PTDSS2: variants seen among roughly 807,000 people sequenced by gnomAD.
PTDSS2 encodes PSS-2.
Under a neutral mutation model 64.7 loss-of-function variants are expected in PTDSS2, and 41 were observed. The observed-to-expected ratio is 0.63, with a 90% CI of 0.49 to 0.82. The LOEUF is 0.82. Ranked by LOEUF, PTDSS2 falls within the 40% of genes least tolerant of loss-of-function variation. The probability of loss-of-function intolerance (pLI) is 0.00; values close to 1 mark genes in which losing one functional copy is unlikely to be tolerated. For synonymous variants in PTDSS2, 297 were observed against 277.8 expected (o/e 1.07, Z -0.69); for missense variants, 485 against 650.0 (o/e 0.75, Z 2.76).
intron 3 of PTDSS2, among the ~76,000 whole-genome samples, chr11:474,881 TTGTG>T (rs928477611): frequency 6.6e-5 from 10 of 151,872 alleles, no homozygotes; most frequent in South Asian, 2.1e-4. Flanking sequence ...ATTCACGTGT[TTGTG>T]TGTGCGGACA....
intron 4 of PTDSS2, among the ~76,000 whole-genome samples, chr11:485,587 A>AGC (rs1848320078): frequency 1.6e-5 from 1 of 62,776 alleles, no homozygotes; most frequent in African/African-American, 8.3e-5. Context: ...CAGGCGTGTA[A>AGC]ACTGCACGGG....
Position 460,300 on chromosome 11 carries a change from T to C in PTDSS2, c.284+12T>C, listed in dbSNP as rs767068514. The C allele has an allele frequency of 8.1e-6, 13 of 1,609,280 alleles. No individual in the cohort carries two copies. The highest frequency in any genetic ancestry group is 9.4e-6 in the Non-Finnish European group (11 of 1,175,678). On this transcript the variant is annotated intron_variant, in intron 2 of 11. Transcript: ENST00000308020. The surrounding 1 kb of genome is among the most constrained non-coding windows in gnomAD (Gnocchi z 5.8). ...TACAACACCAAGAGGTAAGCTGCCC[T>C]CTTGTCCTGCCTTCTGAAACTGCCC...
chr11:479,826 C>T lies in PTDSS2; in HGVS notation c.435+674C>T, dbSNP rs977189148. 1.3e-5 allele frequency among the ~76,000 whole-genome samples: 2 copies of T among 152,198 alleles called. No homozygotes were observed. The highest frequency in any genetic ancestry group is 4.8e-5 in the African/African-American group (2 of 41,450). ...GCCTACTTTATTAATACTCTTTGTTCTGTTTAACTTAGTGTAAACACACAT... is the reference window on the plus strand; with the variant it reads ...GCCTACTTTATTAATACTCTTTGTTTTGTTTAACTTAGTGTAAACACACAT... On this transcript the variant is annotated intron_variant, in intron 4 of 11. Coordinates refer to ENST00000308020, the MANE Select transcript of PTDSS2 (RefSeq NM_030783.3). This position sits in a 1 kb window ranked among gnomAD's most constrained non-coding sequence, Gnocchi z 4.2.
intron 2 of PTDSS2, among the ~76,000 whole-genome samples, chr11:467,999 C>T (rs1302111016): frequency 6.6e-6 from 1 of 151,794 alleles, no homozygotes; most frequent in Non-Finnish European, 1.5e-5. Flanking sequence ...AGCCGAGTGT[C>T]ACAGCACACA....
chr11:489,320 A>G, intron 8 of PTDSS2, 80 bp from the exon 9 acceptor site: 3 of 1,235,484 alleles, frequency 2.4e-6, no homozygotes, highest in South Asian at 2.5e-5. Context: ...CCGGGTGACC[A>G]GGAACAGTCT....
intron 2 of PTDSS2, among the ~76,000 whole-genome samples, chr11:466,858 G>A (rs1454821661): frequency 5.3e-5 from 8 of 152,020 alleles, no homozygotes; most frequent in African/African-American, 1.2e-4. Flanking sequence ...GGGACACAGC[G>A]AAACCGTGTC....
rs757730150 is a variant in PTDSS2, at chr11:490,771, C to CGTGTGTACGT, written c.*194_*203dup. 7.2e-5 allele frequency: 43 copies of CGTGTGTACGT among 597,030 alleles called. No individual in the cohort carries two copies. The highest frequency in any genetic ancestry group is 2.9e-4 in the Admixed American group (9 of 30,550). 37.0% of individuals were successfully genotyped at this position (597,030 alleles called of 1,614,324 possible). ...GCACAGCCTCATCTCCATGTGTACA[C>CGTGTGTACGT]GTGTGTACGTGTGTATGCGTGTGTG... On this transcript the variant is annotated 3_prime_UTR_variant, in exon 12 of 12. Transcript: ENST00000308020.
intron 10 of PTDSS2, 49 bp downstream of exon 10, chr11:489,782 C>T (rs766137511): frequency 6.3e-6 from 10 of 1,582,358 alleles, no homozygotes; most frequent in Middle Eastern, 1.7e-4. Flanking sequence ...GGGCAGGGGC[C>T]GGAGGGCTGG....
At chr11:454,892 C>T (rs536775446) in intron 1 of PTDSS2, among the ~76,000 whole-genome samples, 1 of 152,352 alleles carries the variant, frequency 6.6e-6, no homozygotes, top group Non-Finnish European at 1.5e-5. Flanking sequence ...AGGCTGCTCA[C>T]CCCATCCCTT....
At chr11:477,120 A>C (rs1847844231) in intron 3 of PTDSS2, among the ~76,000 whole-genome samples, 1 of 152,174 alleles carries the variant, frequency 6.6e-6, no homozygotes, top group South Asian at 2.1e-4. Context: ...CCAGTCCGGC[A>C]GCTGTAGCCG....
intron 4 of PTDSS2, among the ~76,000 whole-genome samples, chr11:485,963 G>A (rs1369632460): frequency 7.5e-6 from 1 of 134,162 alleles, no homozygotes; most frequent in Non-Finnish European, 1.6e-5. Context: ...GTGCACGGGC[G>A]CGCGTGTGCT....
At chr11:466,046 T>C (rs141275999) in intron 2 of PTDSS2, among the ~76,000 whole-genome samples, 1 of 152,252 alleles carries the variant, frequency 6.6e-6, no homozygotes, top group African/African-American at 2.4e-5. Context: ...AGTACTTGTA[T>C]TCAAAATATG....
rs1003984299 is a variant in PTDSS2, at chr11:466,448, C to T, written c.284+6160C>T. Among the ~76,000 whole-genome samples the T allele has an allele frequency of 3.3e-5, 5 of 149,944 alleles. No individual in the cohort carries two copies. In the East Asian group the frequency reaches 9.8e-4, roughly 29 times the overall value. On this transcript the variant is annotated intron_variant, in intron 2 of 11. Coordinates refer to ENST00000308020, the MANE Select transcript of PTDSS2 (RefSeq NM_030783.3). ...TGAGACAGAGTATTGCTCTGTTGCC[C>T]AGGCTGGAGTGCAGTGGCATGATCT...
At chr11:472,084 TGACACA>T (rs1410510116) in intron 2 of PTDSS2, among the ~76,000 whole-genome samples, 1 of 148,940 alleles carries the variant, frequency 6.7e-6, no homozygotes, top group Non-Finnish European at 1.5e-5. Flanking sequence ...CGGCCTGGGG[TGACACA>T]GATGGTAGCC....
chr11:459,748 C>T, intron 1 of PTDSS2: 1 of 188,362 alleles, frequency 5.3e-6, no homozygotes, highest in Non-Finnish European at 1.1e-5. Context: ...CTGCTCAGGC[C>T]CCTTCTCAGC....
At chr11:457,366 G>C (rs1256065133) in intron 1 of PTDSS2, among the ~76,000 whole-genome samples, 2 of 152,348 alleles carry the variant, frequency 1.3e-5, no homozygotes, top group East Asian at 3.9e-4. Context: ...TCCTTGAGTC[G>C]TGTGTGGGTG....
At position 476,881 on chromosome 11, in the gene PTDSS2, T is replaced by C. The variant is rs890311298; in HGVS notation, c.368-2204T>C. On this transcript the variant is annotated intron_variant, in intron 3 of 11. Transcript: ENST00000308020. The surrounding 1 kb of genome is among the most constrained non-coding windows in gnomAD (Gnocchi z 4.9). Reference sequence around the variant, plus strand: ...ATTACTTTGCCAATCTTCGATTTATTGACGGGGAAGCCTGTCCTGGAGCCA... The same window carrying C: ...ATTACTTTGCCAATCTTCGATTTATCGACGGGGAAGCCTGTCCTGGAGCCA... 2.0e-5 allele frequency among the ~76,000 whole-genome samples: 3 copies of C among 152,220 alleles called. No individual in the cohort carries two copies. The highest frequency in any genetic ancestry group is 2.0e-4 in the Admixed American group (3 of 15,278).
chr11:460,089 C>A lies in PTDSS2; in HGVS notation c.183-98C>A, dbSNP rs1590619093. On this transcript the variant is annotated intron_variant, in intron 1 of 11. Coordinates refer to ENST00000308020, the MANE Select transcript of PTDSS2 (RefSeq NM_030783.3). This position sits in a 1 kb window ranked among gnomAD's most constrained non-coding sequence, Gnocchi z 5.8. ...GGGAGTTGGAGAGTGGAGTTTAAGC[C>A]CTCTCCTTGACGTAGAGAGGATTTG... 1.1e-6 allele frequency: 1 copy of A among 911,568 alleles called. No individual in the cohort carries two copies. The allele number at this position is 911,568 out of a possible 1,614,324, so 56.5% of individuals were successfully genotyped here.
At chr11:452,518 C>T (rs1846383471) in intron 1 of PTDSS2, among the ~76,000 whole-genome samples, 2 of 152,244 alleles carry the variant, frequency 1.3e-5, no homozygotes, top group South Asian at 4.1e-4. Context: ...CGGCTGGGCG[C>T]AGCAGAGCTT....
Sources: gnomAD v4.1 joint callset for allele counts (sites outside exome capture counted in the v4.1 genomes callset) on GRCh38, gnomAD v4.1.1 for gene constraint, Gnocchi (gnomAD v3.1) non-coding constraint, MANE v1.5 for transcripts, NCBI Gene and HGNC (gene_info 2026-07-23, HGNC 2026-07-21) for gene names.